Variants in COLEC12 observed in about 807,000 individuals in gnomAD.
The protein encoded by COLEC12 is collectin subfamily member 12.
COLEC12 carries 33 observed loss-of-function variants against 71.1 expected under a neutral mutation model. That is an observed-to-expected ratio of 0.46 (90% confidence interval 0.35 to 0.62). The LOEUF (loss-of-function observed/expected upper bound fraction) is 0.62, where lower values mean the gene tolerates loss of function less well. COLEC12 is among the 20% of genes least tolerant of loss of function. The pLI is 0.00. For missense variants in COLEC12, 765 were observed against 916.1 expected (o/e 0.84, Z 2.13); for synonymous variants, 350 against 353.0 (o/e 0.99, Z 0.10).
At chr18:384,496 C>T (rs1027950285) in intron 2 of COLEC12, among the ~76,000 whole-genome samples, 3 of 152,124 alleles carry the variant, frequency 2.0e-5, no homozygotes, top group South Asian at 2.1e-4. Flanking sequence ...ATTTTGTTTT[C>T]CCTGCATTGC....
chr18:334,993 G>A lies in COLEC12; in HGVS notation c.1565C>T (p.Ser522Phe). The A allele has an allele frequency of 1.3e-6, 2 of 1,569,366 alleles. No homozygotes were observed. The highest frequency in any genetic ancestry group is 1.7e-6 in the Non-Finnish European group (2 of 1,160,514). Residue 522 changes from serine (S) to phenylalanine (F), a missense_variant, in exon 6 of 10, where the codon TCC becomes TTC. Transcript: ENST00000400256. Reference protein sequence around the residue: ...GSPGKPGPQGSSGDPGPPGPP... With the variant: ...GSPGKPGPQGFSGDPGPPGPP... ...GCCCGGGGGGCCTGGGTCCCCACTG[G>A]AGCCCTGAGGGCCGGGCTTCCCAGG...
intron 1 of COLEC12, among the ~76,000 whole-genome samples, chr18:481,199 A>G (rs1489099009): frequency 6.6e-6 from 1 of 152,142 alleles, no homozygotes; most frequent in Non-Finnish European, 1.5e-5. Flanking sequence ...AACTCACCCT[A>G]AAGCCCCTGT....
chr18:488,907 T>G (rs1035881826), intron 1 of COLEC12, among the ~76,000 whole-genome samples: 2 of 151,752 alleles, frequency 1.3e-5, no homozygotes, highest in Non-Finnish European at 2.9e-5. Flanking sequence ...GAAAATCAAT[T>G]TAGAGGGTCC....
intron 2 of COLEC12, among the ~76,000 whole-genome samples, chr18:409,571 C>T (rs1246151158): frequency 6.6e-6 from 1 of 152,110 alleles, no homozygotes; most frequent in Non-Finnish European, 1.5e-5. Context: ...GCAAGCATTC[C>T]TATAGAAAGT....
In COLEC12 at chr18:346,805, A is replaced by G. The variant is rs1038967267; in HGVS notation, c.817T>C (p.Ser273Pro). ...QSLQTLAANN[S>P]ALAKANNDTL... ...TCGTTGTTGGCTTTGGCCAACGCAGAGTTGTTGGCAGCCAGCGTCTGCAAG... is the reference window on the plus strand; with the variant it reads ...TCGTTGTTGGCTTTGGCCAACGCAGGGTTGTTGGCAGCCAGCGTCTGCAAG... The change falls in exon 5 of 10, where the codon TCT becomes CCT. Residue 273 changes from serine to proline, a missense_variant. By Grantham distance (74) the Ser-to-Pro change is moderately conservative. Transcript: ENST00000400256. The surrounding 1 kb of genome is among the most constrained non-coding windows in gnomAD (Gnocchi z 4.0). 7 of 1,614,136 alleles carry G rather than the reference A, an allele frequency of 4.3e-6. No individual in the cohort carries two copies. The highest frequency in any genetic ancestry group is 5.9e-6 in the Non-Finnish European group (7 of 1,179,980).
intron 8 of COLEC12, among the ~76,000 whole-genome samples, chr18:323,077 T>G (rs768959173): frequency 6.6e-6 from 1 of 152,098 alleles, no homozygotes; most frequent in African/African-American, 2.4e-5. Context: ...ATACAAAAAT[T>G]AGCTGGGCAT....
At chr18:439,710 AG>A (rs965016991) in intron 2 of COLEC12, among the ~76,000 whole-genome samples, 3 of 152,216 alleles carry the variant, frequency 2.0e-5, no homozygotes, top group African/African-American at 7.2e-5. Flanking sequence ...AAGGGTGTAG[AG>A]AAAAGAAAAA....
At chr18:322,608 G>C (rs1913735561) in intron 8 of COLEC12, among the ~76,000 whole-genome samples, 1 of 152,208 alleles carries the variant, frequency 6.6e-6, no homozygotes, top group Non-Finnish European at 1.5e-5. Context: ...CTCACCCCTT[G>C]AAGGTTCAAT....
Position 346,223 on chromosome 18 carries a change from C to G in COLEC12, c.1327+72G>C, listed in dbSNP as rs1286432573. ...GATGAATATTTATTGTTTTAAATTG[C>G]CAAGTTTTAGAGTAACTTGTTATGC... On this transcript the variant is annotated intron_variant, in intron 5 of 9. Coordinates refer to ENST00000400256, the MANE Select transcript of COLEC12 (RefSeq NM_130386.3). The surrounding 1 kb of genome is among the most constrained non-coding windows in gnomAD (Gnocchi z 4.0). The G allele has an allele frequency of 8.4e-7, 1 of 1,185,684 alleles. No homozygotes were observed. The allele number at this position is 1,185,684 out of a possible 1,614,324, so 73.4% of individuals were successfully genotyped here. A position where few individuals can be genotyped will look rare whatever the true frequency, so the allele number is the denominator to read the frequency against.
At chr18:471,585 T>G (rs1005353410) in intron 2 of COLEC12, among the ~76,000 whole-genome samples, 1 of 151,482 alleles carries the variant, frequency 6.6e-6, no homozygotes, top group Non-Finnish European at 1.5e-5. Context: ...ATAAATCGAA[T>G]TTTTAAAGTT....
chr18:332,301 C>T (rs920855151), intron 7 of COLEC12, among the ~76,000 whole-genome samples: 1 of 152,160 alleles, frequency 6.6e-6, no homozygotes, highest in Non-Finnish European at 1.5e-5. Flanking sequence ...CAGTCAGTTA[C>T]TACAGGAAAC....
intron 2 of COLEC12, among the ~76,000 whole-genome samples, chr18:452,927 C>T (rs754201619): frequency 6.6e-6 from 1 of 152,198 alleles, no homozygotes; most frequent in Non-Finnish European, 1.5e-5. Flanking sequence ...CTCAGGGGTC[C>T]TCCCCCATGG....
At chr18:423,305 A>G (rs549238863) in intron 2 of COLEC12, among the ~76,000 whole-genome samples, 1 of 152,326 alleles carries the variant, frequency 6.6e-6, no homozygotes, top group East Asian at 1.9e-4. Context: ...TTATTGGCCT[A>G]GAACATGTGC....
chr18:420,877 C>A (rs1916085211), intron 2 of COLEC12, among the ~76,000 whole-genome samples: 1 of 23,348 alleles, frequency 4.3e-5, no homozygotes, highest in Non-Finnish European at 3.1e-4. Context: ...AACCTAGAGC[C>A]ACACCTCCTC....
rs140549407 is a variant in COLEC12 at position 346,445 on chromosome 18, G to A, written c.1177C>T (p.Arg393Cys). The stretch of plus-strand genomic sequence containing the variant: ...ATCCTGAGAGAAACAGAATCCAAAC[G>A]GATGTTGGCCAGGGTATTATTCAAG... Reference protein sequence around the residue: ...TSLNNTLANIRLDSVSLRMQQ... With the variant: ...TSLNNTLANICLDSVSLRMQQ... The change falls in exon 5 of 10, where the codon CGT (arginine) becomes TGT (cysteine). Residue 393 changes from arginine (R) to cysteine (C), a missense_variant. Arg to Cys is a radical substitution (Grantham distance 180, BLOSUM62 -3). Coordinates refer to ENST00000400256, the MANE Select transcript of COLEC12 (RefSeq NM_130386.3). This position sits in a 1 kb window ranked among gnomAD's most constrained non-coding sequence, Gnocchi z 4.0. The A allele has an allele frequency of 1.7e-5, 28 of 1,613,970 alleles. No homozygotes were observed. The highest frequency in any genetic ancestry group is 5.3e-5 in the African/African-American group (4 of 74,884).
intron 3 of COLEC12, among the ~76,000 whole-genome samples, chr18:354,044 T>C (rs1914577215): frequency 6.6e-6 from 1 of 152,242 alleles, no homozygotes; most frequent in Admixed American, 6.5e-5. Flanking sequence ...GATTTCTGTC[T>C]TTTTTCTTTT....
intron 1 of COLEC12, among the ~76,000 whole-genome samples, chr18:490,352 A>G (rs956555462): frequency 1.3e-5 from 2 of 152,244 alleles, no homozygotes; most frequent in African/African-American, 4.8e-5. Context: ...TGCTGTTCTA[A>G]GCTACAGGGT....
Position 475,052 on chromosome 18 carries a change from C to T in COLEC12, c.58+5655G>A, listed in dbSNP as rs879714331. Among the ~76,000 whole-genome samples the T allele has an allele frequency of 1.4e-4, 21 of 151,210 alleles. No homozygotes were observed. In the East Asian group the frequency reaches 2.1e-3, roughly 15 times the overall value. ...TCGCGCCACTGCACTCCAGCCTGGG[C>T]GACAAGAGCTAAACTCCGTCTCAAA... On this transcript the variant is annotated intron_variant, in intron 2 of 9. Coordinates refer to ENST00000400256, the MANE Select transcript of COLEC12 (RefSeq NM_130386.3).
rs141256087 is a variant in COLEC12, at chr18:475,519, C to T, written c.58+5188G>A. On this transcript the variant is annotated intron_variant, in intron 2 of 9. Coordinates refer to ENST00000400256, the MANE Select transcript of COLEC12 (RefSeq NM_130386.3). ...GTCCCAGCAGAGGGGAGACAGGCAGCCTGCCCCGTAAAAGCCCAGCAACAA... is the reference window on the plus strand; with the variant it reads ...GTCCCAGCAGAGGGGAGACAGGCAGTCTGCCCCGTAAAAGCCCAGCAACAA... Among the ~76,000 whole-genome samples, 366 of 152,248 alleles carry T rather than the reference C, an allele frequency of 2.4e-3. 4 individuals carry two copies. Among genetic ancestry groups the T allele is most frequent in the African/African-American group, 8.6e-3 (356 of 41,528 alleles).
Sources: gnomAD v4.1 joint callset for allele counts (sites outside exome capture counted in the v4.1 genomes callset) on GRCh38, gnomAD v4.1.1 for gene constraint, Gnocchi (gnomAD v3.1) non-coding constraint, MANE v1.5 for transcripts, NCBI Gene and HGNC (gene_info 2026-07-23, HGNC 2026-07-21) for gene names.